FBXL13: variants seen among roughly 807,000 people sequenced by gnomAD.
FBXL13 encodes the protein F-box and leucine-rich repeat protein 13.
In FBXL13, 67 loss-of-function variants were observed where a neutral mutation model predicts 83.6. That is an observed-to-expected ratio of 0.80 (90% confidence interval 0.66 to 0.98). FBXL13 has a LOEUF of 0.98. FBXL13 is among the 50% of genes least tolerant of loss of function. FBXL13 has a pLI of 0.00. For synonymous variants in FBXL13, 272 were observed against 299.5 expected (o/e 0.91, Z 0.95); for missense variants, 822 against 866.5 (o/e 0.95, Z 0.64).
At chr7:103,019,060 C>G (rs1344291078) in intron 6 of FBXL13, among the ~76,000 whole-genome samples, 2 of 152,168 alleles carry the variant, frequency 1.3e-5, no homozygotes, top group African/African-American at 4.8e-5. Flanking sequence ...CAAAATTGAT[C>G]ACATAGTTGG....
chr7:103,026,373 A>G (rs1585426060), intron 5 of FBXL13, among the ~76,000 whole-genome samples: 1 of 152,132 alleles, frequency 6.6e-6, no homozygotes, highest in Non-Finnish European at 1.5e-5. Flanking sequence ...ACAGTTACCT[A>G]TTTCACTATT....
intron 11 of FBXL13, among the ~76,000 whole-genome samples, chr7:102,892,465 T>G (rs1440845217): frequency 2.6e-5 from 4 of 152,226 alleles, no homozygotes; most frequent in Non-Finnish European, 5.9e-5. Flanking sequence ...TTTTCATAAA[T>G]TCTACAATTT....
Position 102,853,778 on chromosome 7 carries a change from C to G in FBXL13, c.1719+999G>C, listed in dbSNP as rs562300869. On this transcript the variant is annotated intron_variant, in intron 17 of 19. Transcript: ENST00000313221. The stretch of plus-strand genomic sequence containing the variant: ...AAAAAACACATGAAAAAATGCTCAT[C>G]ATCACTGGCCATCAGAGAAATGCAA... Among the ~76,000 whole-genome samples the G allele has an allele frequency of 4.1e-3, 617 of 152,316 alleles. 5 individuals carry two copies. The highest frequency in any genetic ancestry group is 0.014 in the African/African-American group (591 of 41,562).
chr7:102,951,092 T>C (rs976680638), intron 8 of FBXL13, among the ~76,000 whole-genome samples: 2 of 152,104 alleles, frequency 1.3e-5, no homozygotes, highest in Non-Finnish European at 2.9e-5. Flanking sequence ...GGGGAGGCTA[T>C]GTATGTGTGG....
At chr7:103,026,192 G>A (rs1793891931) in intron 5 of FBXL13, among the ~76,000 whole-genome samples, 1 of 152,026 alleles carries the variant, frequency 6.6e-6, no homozygotes, top group South Asian at 2.1e-4. Flanking sequence ...AGGCTGGAGT[G>A]CAGTGGCGTG....
chr7:102,886,791 C>T (rs1810855885), intron 11 of FBXL13, among the ~76,000 whole-genome samples: 1 of 151,782 alleles, frequency 6.6e-6, no homozygotes, highest in African/African-American at 2.4e-5. Flanking sequence ...AGACAAAAGC[C>T]AAAGGAATTT....
At chr7:102,936,905 CT>C (rs1339115910) in intron 8 of FBXL13, among the ~76,000 whole-genome samples, 2 of 148,872 alleles carry the variant, frequency 1.3e-5, no homozygotes, top group African/African-American at 4.9e-5. Flanking sequence ...GAGCCTATTT[CT>C]GCTTTTGTGT....
chr7:102,977,448 A>G (rs938079157), intron 6 of FBXL13, among the ~76,000 whole-genome samples: 2 of 152,206 alleles, frequency 1.3e-5, no homozygotes, highest in African/African-American at 2.4e-5. Context: ...CGCTTCAAAC[A>G]TCAGAAAAGT....
At chr7:102,943,957 C>A (rs1821959056) in intron 8 of FBXL13, among the ~76,000 whole-genome samples, 1 of 152,138 alleles carries the variant, frequency 6.6e-6, no homozygotes, top group African/African-American at 2.4e-5. Context: ...AAAATACATT[C>A]TTGCATCATA....
At chr7:103,056,368 T>C (rs1009404068) in intron 1 of FBXL13, among the ~76,000 whole-genome samples, 1 of 152,184 alleles carries the variant, frequency 6.6e-6, no homozygotes, top group Non-Finnish European at 1.5e-5. Flanking sequence ...TATTTTCCTC[T>C]GGGTAGATAC....
intron 16 of FBXL13, among the ~76,000 whole-genome samples, chr7:102,859,885 A>T (rs1584666148): frequency 6.6e-6 from 1 of 152,140 alleles, no homozygotes; most frequent in Admixed American, 6.5e-5. Flanking sequence ...TGGCCTGGGG[A>T]AGTCACCAGC....
intron 17 of FBXL13, chr7:102,834,513 T>C (rs146978407): frequency 2.7e-5 from 4 of 149,990 alleles, no homozygotes; most frequent in African/African-American, 9.7e-5. Flanking sequence ...TCTCTAGCTA[T>C]CTCTAAGATT....
At chr7:102,909,417 G>A (rs1440563334) in intron 11 of FBXL13, among the ~76,000 whole-genome samples, 1 of 152,086 alleles carries the variant, frequency 6.6e-6, no homozygotes, top group Admixed American at 6.5e-5. Flanking sequence ...GGTATCTAAG[G>A]TGTAAGACTG....
intron 8 of FBXL13, among the ~76,000 whole-genome samples, chr7:102,937,035 T>C (rs980396426): frequency 8.5e-5 from 13 of 152,196 alleles, no homozygotes; most frequent in African/African-American, 2.9e-4. Context: ...AAATGCCCCA[T>C]AAATTCATAC....
intron 2 of FBXL13, chr7:103,029,972 T>A (rs888064929): frequency 6.6e-5 from 10 of 152,204 alleles, no homozygotes; most frequent in Admixed American, 6.5e-5. Context: ...ACTGAAATCA[T>A]CTATACCTTC....
At chr7:102,954,775 A>G (rs1823985820) in intron 8 of FBXL13, among the ~76,000 whole-genome samples, 1 of 152,178 alleles carries the variant, frequency 6.6e-6, no homozygotes, top group Admixed American at 6.5e-5. Context: ...TAAACCAACA[A>G]AGATCAAAAG....
At chr7:102,863,516 G>C (rs564645963) in intron 16 of FBXL13, among the ~76,000 whole-genome samples, 5 of 99,940 alleles carry the variant, frequency 5.0e-5, no homozygotes, top group Admixed American at 8.4e-5. Context: ...ATAAAATTGG[G>C]GGGGGGGATG....
intron 10 of FBXL13, among the ~76,000 whole-genome samples, chr7:102,922,735 G>T (rs1225389426): frequency 6.6e-6 from 1 of 152,134 alleles, no homozygotes; most frequent in African/African-American, 2.4e-5. Flanking sequence ...CACTTTGGGA[G>T]GCCGAGGCGG....
At chr7:102,971,399 A>T (rs1199091494) in intron 6 of FBXL13, among the ~76,000 whole-genome samples, 1 of 151,980 alleles carries the variant, frequency 6.6e-6, no homozygotes, top group East Asian at 1.9e-4. Context: ...GGCGTTCGAG[A>T]CCAGCCTGAC....
Sources: gnomAD v4.1 joint callset for allele counts (sites outside exome capture counted in the v4.1 genomes callset) on GRCh38, gnomAD v4.1.1 for gene constraint, MANE v1.5 for transcripts, NCBI Gene and HGNC (gene_info 2026-07-23, HGNC 2026-07-21) for gene names.